The following SCAP variants were observed in gnomAD, a reference collection of about 807,000 sequenced individuals.
SCAP encodes SREBF chaperone, also known as sterol regulatory element-binding protein cleavage-activating protein.
Under a neutral mutation model 123.6 loss-of-function variants are expected in SCAP, and 65 were observed. The observed-to-expected ratio is 0.53, with a 90% CI of 0.43 to 0.65. The LOEUF is 0.65. Among genes scored for constraint, SCAP ranks in the 30% least tolerant of loss-of-function variants. SCAP has a pLI of 0.00. For synonymous variants in SCAP, 740 were observed against 726.3 expected, an observed-to-expected ratio of 1.02 and a Z score of -0.30; for missense variants, 1,398 against 1,712.5, an observed-to-expected ratio of 0.82 and a Z score of 3.24.
chr3:47,432,906 T>C (rs1220702934), intron 3 of SCAP, among the ~76,000 whole-genome samples: 4 of 152,206 alleles, frequency 2.6e-5, no homozygotes, highest in Non-Finnish European at 2.9e-5. Context: ...TACCTGCCTT[T>C]AGCCATAGGG....
intron 1 of SCAP, among the ~76,000 whole-genome samples, chr3:47,470,699 A>G (rs1707994032): frequency 6.6e-6 from 1 of 152,206 alleles, no homozygotes; most frequent in African/African-American, 2.4e-5. Context: ...CCCATCTACT[A>G]AAAGTACAAA....
chr3:47,427,668 C>T lies in SCAP; in HGVS notation c.411-1G>A. On this transcript the variant is annotated splice_acceptor_variant, in intron 4 of 22. Coordinates refer to ENST00000265565, the MANE Select transcript of SCAP (RefSeq NM_012235.4). LOFTEE classifies it high-confidence loss of function. ...CTCCTCCAAGCTCCTGATCCCAGAG[C>T]TGCACAGGAGACAGGACAAGGCACC... 1 of 1,613,610 alleles carries T rather than the reference C, an allele frequency of 6.2e-7. No individual in the cohort carries two copies. The highest frequency in any genetic ancestry group is 8.5e-7 in the Non-Finnish European group (1 of 1,179,776).
rs756202449 is a variant in SCAP at position 47,435,042 on chromosome 3, C to T, written c.218G>A (p.Arg73His). Reference sequence around the variant, plus strand: ...CTGCTCAGTAGGCTCTCCTTGTTTGCGGTCAGAGTCCACAGGTGGGGGCGA... The same window carrying T: ...CTGCTCAGTAGGCTCTCCTTGTTTGTGGTCAGAGTCCACAGGTGGGGGCGA... ...DYSPPPVDSDRKQGEPTEQPE... is the reference protein window; with the variant it reads ...DYSPPPVDSDHKQGEPTEQPE... The change falls in exon 3 of 23, where the codon CGC becomes CAC. Residue 73 changes from arginine to histidine, a missense_variant. Around this residue, in one of 7 missense-constraint regions of SCAP, gnomAD observed 319 missense variants for 432.4 expected, o/e 0.74. Transcript: ENST00000265565. 2.2e-5 allele frequency: 35 copies of T among 1,613,960 alleles called. No individual in the cohort carries two copies. Among genetic ancestry groups the T allele is most frequent in the Non-Finnish European group, 2.6e-5 (31 of 1,179,992 alleles).
chr3:47,414,920 G>C lies in SCAP; in HGVS notation c.3213C>G (p.Thr1071=). ...SSSDTVACHL[T]HTVPCAHQKP... is the part of the protein sequence containing the mutation. ...TTTGGTGTGCACAGGGCACTGTGTG[G>C]GTCAGGTGACAGGCCACTGTGTCGC... Residue 1071 remains threonine, a synonymous_variant, in exon 20 of 23, where the codon ACC becomes ACG. Coordinates refer to ENST00000265565, the MANE Select transcript of SCAP (RefSeq NM_012235.4). The C allele has an allele frequency of 6.2e-7, 1 of 1,612,776 alleles. No individual in the cohort carries two copies.
At chr3:47,425,195 C>T (rs1225533394) in intron 8 of SCAP, 3 of 363,288 alleles carry the variant, frequency 8.3e-6, no homozygotes, top group African/African-American at 6.2e-5. Context: ...AATACATACT[C>T]ATGTATACAC....
intron 1 of SCAP, among the ~76,000 whole-genome samples, chr3:47,459,565 G>A (rs961353060): frequency 2.6e-5 from 4 of 152,092 alleles, no homozygotes; most frequent in African/African-American, 9.7e-5. Context: ...GTAGGACCGT[G>A]ATACCCACCC....
rs1242425112 is a variant in SCAP, at chr3:47,450,364, A to G, written c.-98-7273T>C. On this transcript the variant is annotated intron_variant, in intron 1 of 22. Transcript: ENST00000265565. ...TCAATCACATCATTTCATTGTGAGAAGCATGTAGTAAAGTTTTCTACAAAA... is the reference window on the plus strand; with the variant it reads ...TCAATCACATCATTTCATTGTGAGAGGCATGTAGTAAAGTTTTCTACAAAA... Among the ~76,000 whole-genome samples the G allele has an allele frequency of 9.5e-5, 12 of 125,942 alleles. 4 individuals are homozygous for G. The highest frequency in any genetic ancestry group is 1.9e-4 in the Non-Finnish European group (11 of 56,748). The allele number at this position is 125,942 out of a possible 152,430, so 82.6% of individuals were successfully genotyped here. A position where few individuals can be genotyped will look rare whatever the true frequency, so the allele number is the denominator to read the frequency against.
rs1370311778 is a variant in SCAP, at chr3:47,415,009, C to G, written c.3140-16G>C. 4 of 1,580,788 alleles carry G rather than the reference C, an allele frequency of 2.5e-6. No homozygotes were observed. The African/African-American group carries it at 5.4e-5, about 21-fold the overall frequency. Reference sequence around the variant, plus strand: ...CCTGGGGTCCCTGAGGACAAAAGGCCAAGTGAAGAATCTCTGAGAAAGCAA... The same window carrying G: ...CCTGGGGTCCCTGAGGACAAAAGGCGAAGTGAAGAATCTCTGAGAAAGCAA... On this transcript the variant is annotated splice_polypyrimidine_tract_variant and intron_variant, in intron 19 of 22. Transcript: ENST00000265565.
rs1218249632 is a variant in SCAP, at chr3:47,454,228, G to A, written c.-98-11137C>T. ...TAAAAATACAAAAAATTAGCCGGGC[G>A]AGGTGGCGGGCACCTGTAGTCCCAG... On this transcript the variant is annotated intron_variant, in intron 1 of 22. Transcript: ENST00000265565. Among the ~76,000 whole-genome samples the A allele has an allele frequency of 3.9e-5, 6 of 152,084 alleles. No homozygotes were observed. The East Asian group carries it at 9.7e-4, about 25-fold the overall frequency.
chr3:47,421,123 G>A (rs541759813), intron 10 of SCAP, 94 bp from the exon 11 acceptor site: 62 of 967,164 alleles, frequency 6.4e-5, no homozygotes, highest in South Asian at 2.2e-4. Flanking sequence ...CCTCATAACC[G>A]GCAGGGCAGC....
Position 47,448,355 on chromosome 3 carries a change from A to ATG in SCAP, c.-98-5266_-98-5265dup, listed in dbSNP as rs149172776. Among the ~76,000 whole-genome samples the ATG allele has an allele frequency of 1.2e-3, 182 of 151,354 alleles. 1 individual carries two copies. Among genetic ancestry groups the ATG allele is most frequent in the South Asian group, 6.7e-3 (32 of 4,784 alleles). Reference sequence around the variant, plus strand: ...CTTATTAGTGCCAGAGTCTTTCTGCATGTGTGTGTGTGTGTGGATTCTTTG... The same window carrying ATG: ...CTTATTAGTGCCAGAGTCTTTCTGCATGTGTGTGTGTGTGTGTGGATTCTTTG... On this transcript the variant is annotated intron_variant, in intron 1 of 22. Transcript: ENST00000265565.
At chr3:47,450,009 T>G (rs1707184338) in intron 1 of SCAP, among the ~76,000 whole-genome samples, 1 of 125,262 alleles carries the variant, frequency 8.0e-6, no homozygotes, top group African/African-American at 2.7e-5. Flanking sequence ...CTTTTTTTTC[T>G]TTTTTTGAGA....
chr3:47,440,747 C>T (rs1395823257), intron 2 of SCAP, among the ~76,000 whole-genome samples: 3 of 152,128 alleles, frequency 2.0e-5, no homozygotes, highest in African/African-American at 7.2e-5. Context: ...ATAGTCCCAA[C>T]TACTCAGAGG....
intron 16 of SCAP, 112 bp downstream of exon 16, chr3:47,418,022 G>A (rs1705703913): frequency 5.6e-6 from 4 of 709,238 alleles, no homozygotes; most frequent in Non-Finnish European, 9.6e-6. Context: ...GAGGGGGCCT[G>A]GAGGGGTTGG....
At chr3:47,424,625 C>G (rs2107808713) in intron 8 of SCAP, among the ~76,000 whole-genome samples, 1 of 152,320 alleles carries the variant, frequency 6.6e-6, no homozygotes, top group Admixed American at 6.5e-5. Flanking sequence ...CAAGTTATAC[C>G]TTGCAGGACC....
At chr3:47,425,666 T>G in intron 7 of SCAP, 55 bp from the exon 8 acceptor site, 1 of 1,588,426 alleles carries the variant, frequency 6.3e-7, no homozygotes, top group East Asian at 2.2e-5. Flanking sequence ...CCCGGCCCAC[T>G]GGGGCTCCCG....
chr3:47,470,836 TG>T (rs1288217796), intron 1 of SCAP, among the ~76,000 whole-genome samples: 3 of 152,122 alleles, frequency 2.0e-5, no homozygotes, highest in African/African-American at 7.2e-5. Context: ...CACTCCAGCC[TG>T]GGCGACAAGA....
intron 1 of SCAP, among the ~76,000 whole-genome samples, chr3:47,468,939 G>A (rs1180172134): frequency 2.0e-5 from 3 of 152,136 alleles, no homozygotes; most frequent in Non-Finnish European, 4.4e-5. Flanking sequence ...TCTACATATG[G>A]CTCCTGGATC....
chr3:47,417,711 T>A lies in SCAP; in HGVS notation c.2563A>T (p.Arg855Ter). 1 of 1,607,800 alleles carries A rather than the reference T, an allele frequency of 6.2e-7. No individual in the cohort carries two copies. Among genetic ancestry groups the A allele is most frequent in the Non-Finnish European group, 8.5e-7 (1 of 1,178,528 alleles). ...GGCGGAGGGCCCCGGGGGCGGTGTC[T>A]CAGGGGAGGGCTGTCCCCAGGCTCC... is the stretch of plus-strand genomic sequence containing the variant. ...PEEPGDSPPLRHRPRGPPPPS... is the reference protein window; with the variant it reads ...PEEPGDSPPL The change falls in exon 17 of 23, where the codon AGA becomes TGA. Residue 855 changes from arginine to a stop codon, truncating the protein, a stop_gained. Coordinates refer to ENST00000265565, the MANE Select transcript of SCAP (RefSeq NM_012235.4). LOFTEE classifies it high-confidence loss of function.
Sources: gnomAD v4.1 joint callset for allele counts (sites outside exome capture counted in the v4.1 genomes callset) on GRCh38, gnomAD v4.1.1 for gene constraint, gnomAD v4.1.1 regional missense constraint, MANE v1.5 for transcripts, NCBI Gene and HGNC (gene_info 2026-07-23, HGNC 2026-07-21) for gene names.